VCL: variants seen among roughly 807,000 people sequenced by gnomAD.
The protein encoded by VCL is epididymis luminal protein 114.
Under a neutral mutation model 125.7 loss-of-function variants are expected in VCL, and 47 were observed. The ratio of observed to expected loss-of-function variants is 0.37; its 90% confidence interval spans 0.30 to 0.48. VCL has a LOEUF of 0.48. VCL is among the 20% of genes least tolerant of loss of function. The pLI is 0.99. For missense variants in VCL, 1,069 were observed against 1,455.5 expected (o/e 0.73, Z 4.32); for synonymous variants, 458 against 514.6 (o/e 0.89, Z 1.49).
intron 2 of VCL, among the ~76,000 whole-genome samples, chr10:74,049,798 C>T (rs1321353503): frequency 6.6e-6 from 1 of 152,150 alleles, no homozygotes; most frequent in Non-Finnish European, 1.5e-5. Flanking sequence ...GATTCATAAC[C>T]AAATACAGAA....
intron 1 of VCL, among the ~76,000 whole-genome samples, chr10:74,003,776 G>A (rs1175414556): frequency 6.6e-6 from 1 of 152,202 alleles, no homozygotes; most frequent in Non-Finnish European, 1.5e-5. Flanking sequence ...CTGGAGTGCA[G>A]TGGTGTGATC....
chr10:74,080,462 G>A (rs1839659063), intron 6 of VCL, among the ~76,000 whole-genome samples: 1 of 152,000 alleles, frequency 6.6e-6, no homozygotes. Flanking sequence ...GGTAAGGAGG[G>A]GGAAAGTAGC....
Position 74,119,574 on chromosome 10 carries a change from A to G in VCL, c.*1405A>G, listed in dbSNP as rs1312132892. The G allele has an allele frequency of 6.6e-6, 1 of 152,204 alleles. No homozygotes were observed. The highest frequency in any genetic ancestry group is 1.5e-5 in the Non-Finnish European group (1 of 68,034). The allele number at this position is 152,204 out of a possible 1,614,324, so 9.4% of individuals were successfully genotyped here. ...TTCCTTTTTGGTACTTATTACTGCTAAGTATTTCCCAGCACATGAAACCTT... is the reference window on the plus strand; with the variant it reads ...TTCCTTTTTGGTACTTATTACTGCTGAGTATTTCCCAGCACATGAAACCTT... On this transcript the variant is annotated 3_prime_UTR_variant, in exon 22 of 22. Transcript: ENST00000211998.
chr10:74,111,442 T>A (rs1409927431), intron 18 of VCL, among the ~76,000 whole-genome samples: 2 of 152,230 alleles, frequency 1.3e-5, no homozygotes, highest in Non-Finnish European at 2.9e-5. Context: ...AGTGACCATA[T>A]GATCCAGCAG....
chr10:74,052,374 G>GTTT (rs141633935), intron 2 of VCL, among the ~76,000 whole-genome samples: 27 of 113,026 alleles, frequency 2.4e-4, no homozygotes, highest in Non-Finnish European at 3.7e-4. Flanking sequence ...TCTTCAGTTA[G>GTTT]TTTTTTTTTT....
chr10:74,056,601 AC>A (rs1194600528), intron 2 of VCL, among the ~76,000 whole-genome samples: 1 of 152,092 alleles, frequency 6.6e-6, no homozygotes, highest in Non-Finnish European at 1.5e-5. Context: ...CACAGTGTAC[AC>A]CCGTGTGAGT....
intron 10 of VCL, among the ~76,000 whole-genome samples, chr10:74,092,768 C>T (rs906480162): frequency 1.3e-5 from 2 of 152,100 alleles, no homozygotes; most frequent in African/African-American, 4.8e-5. Flanking sequence ...AATGCAGACC[C>T]CTTGACCCCA....
In VCL at chr10:74,095,798, G is replaced by A. The variant is rs772258363; in HGVS notation, c.1686G>A (p.Gly562=). Reference sequence around the variant, plus strand: ...AGCTGGCTGACCTGGCTGCCAGAGGGGAAGGGGAGAGTCCTCAGGCACGAG... The same window carrying A: ...AGCTGGCTGACCTGGCTGCCAGAGGAGAAGGGGAGAGTCCTCAGGCACGAG... The part of the protein sequence containing the change: ...TAQLADLAAR[G]EGESPQARAL... The change falls in exon 12 of 22, where the codon GGG becomes GGA. Residue 562 remains glycine, a synonymous_variant. Transcript: ENST00000211998. 6.2e-7 allele frequency: 1 copy of A among 1,614,188 alleles called. No homozygotes were observed. Among genetic ancestry groups the A allele is most frequent in the Non-Finnish European group, 8.5e-7 (1 of 1,180,040 alleles).
At chr10:74,021,278 T>G (rs756759983) in intron 1 of VCL, among the ~76,000 whole-genome samples, 1 of 152,124 alleles carries the variant, frequency 6.6e-6, no homozygotes, top group Admixed American at 6.6e-5. Context: ...TCGTGTCTGT[T>G]TCCACCCCTC....
At position 74,081,624 on chromosome 10, in the gene VCL, T is replaced by C. The variant is rs149918969; in HGVS notation, c.784-830T>C. On this transcript the variant is annotated intron_variant, in intron 6 of 21. Coordinates refer to ENST00000211998, the MANE Select transcript of VCL (RefSeq NM_014000.3). ...GGTGTTATATTGTTCTCTGTGTTTT[T>C]ATGTGTTTAAAAAAATTTACGGAAA... Among the ~76,000 whole-genome samples the C allele has an allele frequency of 1.1e-3, 162 of 152,322 alleles. 5 individuals carry two copies. The East Asian group carries it at 0.03, about 29-fold the overall frequency.
In VCL at chr10:74,105,403, G is replaced by A. The variant is rs761081981; in HGVS notation, c.2434+50G>A. ...TCACCTCCACTGAGAGGTTAACTCA[G>A]GAAAGGTCGTGAGGGAATATGTACC... is the stretch of plus-strand genomic sequence containing the variant. On this transcript the variant is annotated intron_variant, in intron 16 of 21. Coordinates refer to ENST00000211998, the MANE Select transcript of VCL (RefSeq NM_014000.3). The A allele has an allele frequency of 1.1e-5, 17 of 1,609,738 alleles. No homozygotes were observed. The South Asian group carries it at 1.1e-4, about 10-fold the overall frequency.
Position 74,089,116 on chromosome 10 carries a change from A to G in VCL, c.1023-80A>G, listed in dbSNP as rs1839835182. 4 of 1,593,042 alleles carry G rather than the reference A, an allele frequency of 2.5e-6. No individual in the cohort carries two copies. The Admixed American group carries it at 6.9e-5, about 28-fold the overall frequency. ...AAAGCCAAGCATGTTCATGAAAACC[A>G]CATGTACTGTGCTATTGGGAATATT... On this transcript the variant is annotated intron_variant, in intron 8 of 21. Coordinates refer to ENST00000211998, the MANE Select transcript of VCL (RefSeq NM_014000.3).
chr10:74,054,122 G>A (rs1591675752), intron 2 of VCL, among the ~76,000 whole-genome samples: 1 of 151,954 alleles, frequency 6.6e-6, no homozygotes, highest in Non-Finnish European at 1.5e-5. Flanking sequence ...TTTTGCTTGG[G>A]TATAGAGTTC....
rs1450398912 is a variant in VCL at position 74,072,843 on chromosome 10, C to G, written c.613C>G (p.Leu205Val). The G allele has an allele frequency of 6.2e-7, 1 of 1,613,968 alleles. No individual in the cohort carries two copies. Reference sequence around the variant, plus strand: ...CACCGTGAAAGAGTTGCTGCCAGTTCTCATTTCAGGTACTTCCTGCCTGTA... The same window carrying G: ...CACCGTGAAAGAGTTGCTGCCAGTTGTCATTTCAGGTACTTCCTGCCTGTA... Reference protein sequence around the residue: ...MNTVKELLPVLISAMKIFVTT... With the variant: ...MNTVKELLPVVISAMKIFVTT... The change falls in exon 5 of 22, where the codon CTC becomes GTC. Residue 205 changes from leucine to valine, a missense_variant. Around this residue, in one of 6 missense-constraint regions of VCL, gnomAD observed 760 missense variants for 928.9 expected, o/e 0.82. Transcript: ENST00000211998.
intron 2 of VCL, among the ~76,000 whole-genome samples, chr10:74,055,944 T>C (rs905321673): frequency 6.6e-6 from 1 of 152,196 alleles, no homozygotes; most frequent in Admixed American, 6.6e-5. Context: ...GATTTAAAGA[T>C]TGTGACTTAT....
At chr10:74,054,716 T>A (rs1276587336) in intron 2 of VCL, among the ~76,000 whole-genome samples, 1 of 151,412 alleles carries the variant, frequency 6.6e-6, no homozygotes, top group East Asian at 1.9e-4. Context: ...AGGCCAGGAG[T>A]TCAAGACCAG....
At chr10:74,049,674 G>C (rs1048532361) in intron 2 of VCL, among the ~76,000 whole-genome samples, 1 of 152,164 alleles carries the variant, frequency 6.6e-6, no homozygotes, top group African/African-American at 2.4e-5. Context: ...AGGTAGGTAG[G>C]TTGGGCAATA....
intron 1 of VCL, among the ~76,000 whole-genome samples, chr10:74,005,844 TA>T (rs1322223705): frequency 6.6e-6 from 1 of 152,128 alleles, no homozygotes; most frequent in Non-Finnish European, 1.5e-5. Flanking sequence ...ACTGTTTTTT[TA>T]ATTTTTATTT....
chr10:74,002,273 G>A (rs915469282), intron 1 of VCL, among the ~76,000 whole-genome samples: 6 of 152,108 alleles, frequency 3.9e-5, no homozygotes, highest in African/African-American at 1.4e-4. Context: ...TTACAGGCAT[G>A]TGCCACCACG....
Sources: gnomAD v4.1 joint callset for allele counts (sites outside exome capture counted in the v4.1 genomes callset) on GRCh38, gnomAD v4.1.1 for gene constraint, gnomAD v4.1.1 regional missense constraint, MANE v1.5 for transcripts, NCBI Gene and HGNC (gene_info 2026-07-23, HGNC 2026-07-21) for gene names.